JAK1: variants seen among roughly 807,000 people sequenced by gnomAD.
JAK1 encodes the protein Janus kinase 1.
A neutral mutation model predicts 136.6 loss-of-function variants in JAK1; 16 were observed. That is an observed-to-expected ratio of 0.12 (90% CI 0.08 to 0.18). JAK1 has a LOEUF of 0.18. Ranked by LOEUF, JAK1 falls within the 10% of genes least tolerant of loss-of-function variation. The probability of loss-of-function intolerance (pLI) is 1.00; values close to 1 mark genes in which losing one functional copy is unlikely to be tolerated. For synonymous variants in JAK1, 492 were observed against 519.5 expected, an observed-to-expected ratio of 0.95 and a Z score of 0.72; for missense variants, 859 against 1,450.1, an observed-to-expected ratio of 0.59 and a Z score of 6.62.
rs147004384 is a variant in JAK1, at chr1:65,006,812, G to A, written c.-78+37668C>T. ...AATATTTTATCTTCATAATATTTAC[G>A]TTGATTCATCCAGACATTATTAAAT... On this transcript the variant is annotated intron_variant, in intron 2 of 25. Coordinates refer to the JAK1 transcript ENST00000671954. Among the ~76,000 whole-genome samples the A allele has an allele frequency of 3.0e-3, 461 of 152,064 alleles. 3 individuals are homozygous for A. The highest frequency in any genetic ancestry group is 0.011 in the African/African-American group (447 of 41,454).
intron 1 of JAK1, among the ~76,000 whole-genome samples, chr1:64,932,490 A>G (rs1417512648): frequency 6.6e-6 from 1 of 152,196 alleles, no homozygotes; most frequent in East Asian, 1.9e-4. Flanking sequence ...CTAGCTAATA[A>G]GTGTCGAGGT....
chr1:64,853,048 G>T (rs1655700580), intron 11 of JAK1, among the ~76,000 whole-genome samples: 1 of 152,198 alleles, frequency 6.6e-6, no homozygotes, highest in South Asian at 2.1e-4. Context: ...TTTATCCCAT[G>T]AAGAGTTTCT....
intron 2 of JAK1, among the ~76,000 whole-genome samples, chr1:65,001,580 TAAGAGGTAGC>T (rs992294233): frequency 6.6e-6 from 1 of 151,550 alleles, no homozygotes; most frequent in African/African-American, 2.4e-5. Flanking sequence ...GTTGTATGTC[TAAGAGGTAGC>T]AAGTGTGTTT....
At chr1:64,854,320 T>G (rs895187489) in intron 11 of JAK1, among the ~76,000 whole-genome samples, 1 of 152,216 alleles carries the variant, frequency 6.6e-6, no homozygotes, top group Non-Finnish European at 1.5e-5. Context: ...AGGGTCTTCC[T>G]CTGACACTCA....
intron 1 of JAK1, among the ~76,000 whole-genome samples, chr1:65,065,315 TC>T (rs1473737195): frequency 6.6e-6 from 1 of 152,116 alleles, no homozygotes; most frequent in Non-Finnish European, 1.5e-5. Flanking sequence ...TTATAGAATA[TC>T]AGCTATTCCT....
At chr1:64,889,349 A>C (rs1644900130) in intron 1 of JAK1, among the ~76,000 whole-genome samples, 1 of 152,216 alleles carries the variant, frequency 6.6e-6, no homozygotes, top group South Asian at 2.1e-4. Context: ...AGAAAACAGG[A>C]AGGACCAGGA....
At chr1:64,851,623 C>T (rs1259907515) in intron 11 of JAK1, among the ~76,000 whole-genome samples, 1 of 152,134 alleles carries the variant, frequency 6.6e-6, no homozygotes, top group Non-Finnish European at 1.5e-5. Context: ...ACAGCAAACC[C>T]AACACATTAC....
At position 64,873,412 on chromosome 1, in the gene JAK1, G is replaced by C. The variant is rs1657192156; in HGVS notation, c.441C>G (p.Thr147=). 6.2e-7 allele frequency: 1 copy of C among 1,614,124 alleles called. No individual in the cohort carries two copies. The highest frequency in any genetic ancestry group is 1.1e-5 in the South Asian group (1 of 91,076). The change falls in exon 5 of 25, where the codon ACC becomes ACG. Residue 147 remains threonine (T), a synonymous_variant. Transcript: ENST00000342505. ...GYEKKKIPDA[T]PLLDASSLEY... Reference sequence around the variant, plus strand: ...CCAGTGAGCTGGCATCAAGGAGAGGGGTTGCATCTGGAATCTTTTTTTTCT... The same window carrying C: ...CCAGTGAGCTGGCATCAAGGAGAGGCGTTGCATCTGGAATCTTTTTTTTCT...
At chr1:65,021,564 G>T (rs1400456314) in intron 2 of JAK1, among the ~76,000 whole-genome samples, 1 of 152,128 alleles carries the variant, frequency 6.6e-6, no homozygotes, top group African/African-American at 2.4e-5. Flanking sequence ...TTATTGGGTG[G>T]CTGCACTTTT....
At chr1:65,008,275 A>C (rs1450241247) in intron 2 of JAK1, among the ~76,000 whole-genome samples, 2 of 152,188 alleles carry the variant, frequency 1.3e-5, no homozygotes, top group African/African-American at 4.8e-5. Context: ...TGAAGGCAGA[A>C]ATGTGTATGG....
In JAK1 at chr1:64,984,904, C is replaced by T; in HGVS notation, c.-78+59576G>A. On this transcript the variant is annotated intron_variant, in intron 2 of 25. Coordinates refer to the JAK1 transcript ENST00000671954. This position sits in a 1 kb window ranked among gnomAD's most constrained non-coding sequence, Gnocchi z 4.1. Reference sequence around the variant, plus strand: ...CCGGCCACTGCCATCACAGCTGGGCCAGGGCCCTGGCTGAAGAGTTCAGCC... The same window carrying T: ...CCGGCCACTGCCATCACAGCTGGGCTAGGGCCCTGGCTGAAGAGTTCAGCC... The T allele has an allele frequency of 8.4e-7, 1 of 1,184,186 alleles. No homozygotes were observed. The highest frequency in any genetic ancestry group is 1.3e-6 in the Non-Finnish European group (1 of 792,004). 73.4% of individuals were successfully genotyped at this position (1,184,186 alleles called of 1,614,324 possible). A position where few individuals can be genotyped will look rare whatever the true frequency, so the allele number is the denominator to read the frequency against.
chr1:65,051,540 T>C (rs748107931), intron 1 of JAK1, among the ~76,000 whole-genome samples: 6 of 152,164 alleles, frequency 3.9e-5, no homozygotes, highest in Non-Finnish European at 8.8e-5. Flanking sequence ...AGCCCAGATG[T>C]GGTCTCAGAA....
intron 2 of JAK1, among the ~76,000 whole-genome samples, chr1:64,977,191 C>T (rs998441909): frequency 6.6e-6 from 1 of 151,762 alleles, no homozygotes; most frequent in Non-Finnish European, 1.5e-5. Context: ...CCTCTGTCGC[C>T]CAAGCTGGAG....
intron 1 of JAK1, among the ~76,000 whole-genome samples, chr1:64,906,712 A>C (rs1048600068): frequency 6.6e-6 from 1 of 152,230 alleles, no homozygotes; most frequent in Non-Finnish European, 1.5e-5. Flanking sequence ...ACAAAGCTCA[A>C]TAAGTGGTGA....
intron 1 of JAK1, among the ~76,000 whole-genome samples, chr1:64,959,223 A>G (rs1460628872): frequency 6.6e-6 from 1 of 152,254 alleles, no homozygotes; most frequent in Non-Finnish European, 1.5e-5. Context: ...CCAGTCCAAC[A>G]TATACATCAC....
chr1:64,999,578 A>T (rs910250226), intron 2 of JAK1, among the ~76,000 whole-genome samples: 3 of 152,094 alleles, frequency 2.0e-5, no homozygotes, highest in African/African-American at 7.2e-5. Flanking sequence ...TCTCTACAAT[A>T]GAAAAAATTA....
At chr1:64,870,020 C>G (rs1656979014) in intron 5 of JAK1, among the ~76,000 whole-genome samples, 1 of 152,024 alleles carries the variant, frequency 6.6e-6, no homozygotes, top group Admixed American at 6.6e-5. Flanking sequence ...CAAAATATAC[C>G]CCCCCACTGA....
Position 64,839,784 on chromosome 1 carries a change from C to T in JAK1, c.2661G>A (p.Gly887=), listed in dbSNP as rs2100963691. ...RIRDLGEGHF[G]KVELCRYDPE... is the part of the protein sequence containing the mutation. Reference sequence around the variant, plus strand: ...GGTCATACCTGCAGAGCTCAACCTTCCCAAAGTGGCCCTGGAGGGAAAGAT... The same window carrying T: ...GGTCATACCTGCAGAGCTCAACCTTTCCAAAGTGGCCCTGGAGGGAAAGAT... The change falls in exon 20 of 25, where the codon GGG becomes GGA. Residue 887 remains glycine, a synonymous_variant. Coordinates refer to ENST00000342505, the MANE Select transcript of JAK1 (RefSeq NM_002227.4). 6.2e-7 allele frequency: 1 copy of T among 1,605,668 alleles called. No individual in the cohort carries two copies. The highest frequency in any genetic ancestry group is 2.2e-5 in the East Asian group (1 of 44,690).
chr1:65,022,863 T>G (rs1179755394), intron 2 of JAK1: 1 of 152,166 alleles, frequency 6.6e-6, no homozygotes, highest in Admixed American at 6.5e-5. Context: ...CAGTCTATTC[T>G]TAAGTTGGTG....
Sources: allele counts gnomAD v4.1 joint callset (sites outside exome capture counted in the v4.1 genomes callset), GRCh38; gene constraint gnomAD v4.1.1; non-coding constraint Gnocchi (gnomAD v3.1); transcripts MANE v1.5; gene names NCBI Gene and HGNC (gene_info 2026-07-23, HGNC 2026-07-21).